FAF1: variants seen among roughly 807,000 people sequenced by gnomAD.
The protein encoded by FAF1 is FAS-associated factor 1.
Under a neutral mutation model 92.5 loss-of-function variants are expected in FAF1, and 25 were observed. That is an observed-to-expected ratio of 0.27 (90% CI 0.20 to 0.38). FAF1 has a LOEUF of 0.38. Ranked by LOEUF, FAF1 falls within the 10% of genes least tolerant of loss-of-function variation. FAF1 has a pLI of 1.00. For missense variants in FAF1, 636 were observed against 793.3 expected, an observed-to-expected ratio of 0.80 and a Z score of 2.38; for synonymous variants, 234 against 273.2, an observed-to-expected ratio of 0.86 and a Z score of 1.42.
chr1:50,820,759 G>A (rs1350765456), intron 2 of FAF1, among the ~76,000 whole-genome samples: 1 of 152,040 alleles, frequency 6.6e-6, no homozygotes, highest in East Asian at 1.9e-4. Flanking sequence ...GTCTTTTTGT[G>A]TCTGGTTTAT....
At chr1:50,546,512 C>T (rs764390709) in intron 13 of FAF1, among the ~76,000 whole-genome samples, 13 of 151,942 alleles carry the variant, frequency 8.6e-5, no homozygotes, top group East Asian at 3.9e-4. Context: ...ATTACAGGCA[C>T]GCGCCACCAC....
intron 4 of FAF1, among the ~76,000 whole-genome samples, chr1:50,782,284 T>G (rs1290359289): frequency 3.3e-5 from 5 of 152,154 alleles, no homozygotes; most frequent in Admixed American, 1.3e-4. Flanking sequence ...TGTCTGTTAC[T>G]GCCTCTGAAA....
intron 8 of FAF1, among the ~76,000 whole-genome samples, chr1:50,626,764 G>A (rs1403203688): frequency 6.6e-6 from 1 of 152,078 alleles, no homozygotes; most frequent in Non-Finnish European, 1.5e-5. Context: ...GGGGAAGTGA[G>A]AGTAAATATA....
chr1:50,615,142 G>A (rs1379351897), intron 8 of FAF1, among the ~76,000 whole-genome samples: 1 of 152,166 alleles, frequency 6.6e-6, no homozygotes, highest in African/African-American at 2.4e-5. Context: ...ACAGTGTTTG[G>A]TTGTCTGTTC....
intron 18 of FAF1, among the ~76,000 whole-genome samples, chr1:50,456,603 G>T (rs1277490116): frequency 6.6e-6 from 1 of 152,148 alleles, no homozygotes; most frequent in Non-Finnish European, 1.5e-5. Flanking sequence ...TGAATAGCTG[G>T]GAACATTTTA....
chr1:50,502,473 T>C (rs965753220), intron 15 of FAF1, among the ~76,000 whole-genome samples: 2 of 152,216 alleles, frequency 1.3e-5, no homozygotes, highest in Admixed American at 6.5e-5. Context: ...GTCTTTTCAC[T>C]GGAGACTGGG....
In FAF1 at chr1:50,707,308, G is replaced by A. The variant is rs1222817386; in HGVS notation, c.552-1417C>T. On this transcript the variant is annotated intron_variant, in intron 6 of 18. Transcript: ENST00000396153. ...CTATACTTAGCGAGCACCAATATAT[G>A]TAACATGAAATATTAGTAACCAAAA... 3.3e-5 allele frequency among the ~76,000 whole-genome samples: 5 copies of A among 151,666 alleles called. No homozygotes were observed. In the South Asian group the frequency reaches 6.2e-4, roughly 19 times the overall value.
intron 1 of FAF1, among the ~76,000 whole-genome samples, chr1:50,876,196 G>A (rs965483201): frequency 3.3e-5 from 5 of 152,134 alleles, no homozygotes; most frequent in East Asian, 3.9e-4. Flanking sequence ...AATGGAGTAC[G>A]TCAGGCAAAT....
intron 7 of FAF1, among the ~76,000 whole-genome samples, chr1:50,659,789 T>C (rs534966277): frequency 1.3e-5 from 2 of 152,204 alleles, no homozygotes; most frequent in African/African-American, 4.8e-5. Context: ...ATTTTCTAAT[T>C]TGCATTCAAG....
intron 15 of FAF1, among the ~76,000 whole-genome samples, chr1:50,508,404 AC>A (rs1190877520): frequency 5.9e-5 from 9 of 152,262 alleles, no homozygotes; most frequent in Non-Finnish European, 1.5e-5. Context: ...TTATTTAACC[AC>A]AAAAAGAATG....
At chr1:50,799,610 G>A (rs547859323) in intron 3 of FAF1, among the ~76,000 whole-genome samples, 1 of 152,208 alleles carries the variant, frequency 6.6e-6, no homozygotes, top group South Asian at 2.1e-4. Context: ...TATCAGTGAG[G>A]TGGGTATTTA....
At chr1:50,640,829 A>ATTTTTTTT (rs71059592) in intron 8 of FAF1, among the ~76,000 whole-genome samples, 30 of 88,496 alleles carry the variant, frequency 3.4e-4, no homozygotes, top group South Asian at 4.2e-4. Context: ...TTATCAGCTG[A>ATTTTTTTT]TTTTTTTTTT....
At chr1:50,491,528 C>T (rs1204342871) in intron 16 of FAF1, among the ~76,000 whole-genome samples, 193 bp downstream of exon 16, 1 of 152,176 alleles carries the variant, frequency 6.6e-6, no homozygotes, top group Non-Finnish European at 1.5e-5. Flanking sequence ...TCTCATTTTT[C>T]ATGAAACAAA....
chr1:50,668,367 G>A (rs1044863379), intron 7 of FAF1, among the ~76,000 whole-genome samples: 1 of 152,168 alleles, frequency 6.6e-6, no homozygotes, highest in African/African-American at 2.4e-5. Context: ...AGCCCTGAGA[G>A]ATACTTAAAA....
chr1:50,881,877 A>G (rs1336179604), intron 1 of FAF1, among the ~76,000 whole-genome samples: 1 of 152,232 alleles, frequency 6.6e-6, no homozygotes, highest in Non-Finnish European at 1.5e-5. Flanking sequence ...CAACATTAAT[A>G]TGTGCATTGA....
At chr1:50,783,274 C>T (rs1266065487) in intron 4 of FAF1, among the ~76,000 whole-genome samples, 7 of 152,044 alleles carry the variant, frequency 4.6e-5, no homozygotes. Context: ...GGGCATGTTA[C>T]CGAACATTTA....
chr1:50,452,247 T>C, intron 18 of FAF1: 1 of 968,882 alleles, frequency 1.0e-6, no homozygotes, highest in East Asian at 5.0e-5. Context: ...ACAGAACAAT[T>C]TGCAAGCTCA....
intron 5 of FAF1, among the ~76,000 whole-genome samples, chr1:50,739,619 G>A (rs1400884587): frequency 6.6e-6 from 1 of 152,052 alleles, no homozygotes; most frequent in South Asian, 2.1e-4. Flanking sequence ...GGGTCATCAT[G>A]GCAAAAATTG....
intron 2 of FAF1, among the ~76,000 whole-genome samples, chr1:50,852,570 G>A (rs1458706400): frequency 1.3e-5 from 2 of 152,110 alleles, no homozygotes; most frequent in Non-Finnish European, 2.9e-5. Flanking sequence ...AGCCAGTACA[G>A]AGAAGAAAAG....
Sources: allele counts gnomAD v4.1 joint callset (sites outside exome capture counted in the v4.1 genomes callset), GRCh38; gene constraint gnomAD v4.1.1; transcripts MANE v1.5; gene names NCBI Gene and HGNC (gene_info 2026-07-23, HGNC 2026-07-21).